Variants in MTA3 observed in about 807,000 individuals in gnomAD.
MTA3 encodes the protein metastasis-associated protein MTA3.
In MTA3, 34 loss-of-function variants were observed where a neutral mutation model predicts 83.5. The observed-to-expected ratio is 0.41, with a 90% CI of 0.31 to 0.54. MTA3 has a LOEUF of 0.54. Ranked by LOEUF, MTA3 falls within the 20% of genes least tolerant of loss-of-function variation. The pLI is 0.33. For synonymous variants in MTA3, 303 were observed against 252.7 expected (o/e 1.20, Z -1.89); for missense variants, 761 against 726.4 (o/e 1.05, Z -0.55).
intron 16 of MTA3, among the ~76,000 whole-genome samples, chr2:42,743,834 C>T (rs183455000): frequency 7.9e-5 from 12 of 152,132 alleles, no homozygotes; most frequent in East Asian, 3.9e-4. Flanking sequence ...GCTCTCTTCA[C>T]GAATTCCAAA....
At chr2:42,667,977 T>A (rs528264525) in intron 8 of MTA3, among the ~76,000 whole-genome samples, 5 of 152,328 alleles carry the variant, frequency 3.3e-5, no homozygotes, top group Admixed American at 3.3e-4. Context: ...AATCTGTAGC[T>A]CATGTATGAT....
At chr2:42,528,243 TAG>T (rs967050108) in intron 2 of MTA3, among the ~76,000 whole-genome samples, 3 of 146,738 alleles carry the variant, frequency 2.0e-5, no homozygotes, top group Non-Finnish European at 4.5e-5. Flanking sequence ...TTTTTGGAAA[TAG>T]AGTCTTGCTC....
At chr2:42,604,011 C>T (rs545890244) in intron 3 of MTA3, among the ~76,000 whole-genome samples, 3 of 151,926 alleles carry the variant, frequency 2.0e-5, no homozygotes, top group South Asian at 4.2e-4. Flanking sequence ...GGTCTCCCAA[C>T]GTGCTGGGAT....
At chr2:42,532,117 T>C (rs140584885) in intron 2 of MTA3, among the ~76,000 whole-genome samples, 7 of 152,222 alleles carry the variant, frequency 4.6e-5, no homozygotes, top group Admixed American at 3.9e-4. Flanking sequence ...TTAGCCATAA[T>C]CCAATAGATA....
chr2:42,641,726 C>T (rs924128888), intron 5 of MTA3, among the ~76,000 whole-genome samples: 17 of 151,894 alleles, frequency 1.1e-4, no homozygotes, highest in Admixed American at 4.6e-4. Context: ...ATTAACCGGG[C>T]GTGGTGGCGC....
intron 6 of MTA3, among the ~76,000 whole-genome samples, chr2:42,651,960 G>A (rs949950041): frequency 6.6e-6 from 1 of 152,110 alleles, no homozygotes; most frequent in Non-Finnish European, 1.5e-5. Flanking sequence ...GCTGGTCATG[G>A]TGGTGGGCAC....
chr2:42,621,461 TC>T (rs1279494860), intron 4 of MTA3, among the ~76,000 whole-genome samples: 1 of 152,210 alleles, frequency 6.6e-6, no homozygotes, highest in Non-Finnish European at 1.5e-5. Context: ...AGGTCATAGA[TC>T]AACAGCATCC....
At chr2:42,533,016 A>G (rs1387707000) in intron 2 of MTA3, 2 of 194,032 alleles carry the variant, frequency 1.0e-5, no homozygotes, top group Non-Finnish European at 2.2e-5. Flanking sequence ...GTTTACAGCA[A>G]TGCCAACAGC....
At chr2:42,506,173 G>A (rs1006028553) in intron 2 of MTA3, among the ~76,000 whole-genome samples, 6 of 152,114 alleles carry the variant, frequency 3.9e-5, no homozygotes, top group East Asian at 1.9e-4. Context: ...AGCCCAGTAC[G>A]GTGGCTCATG....
chr2:42,622,929 T>TA (rs1685722534), intron 4 of MTA3, among the ~76,000 whole-genome samples: 1 of 152,196 alleles, frequency 6.6e-6, no homozygotes, highest in Non-Finnish European at 1.5e-5. Context: ...ATAATTAAGA[T>TA]ACGGTATATT....
intron 8 of MTA3, among the ~76,000 whole-genome samples, chr2:42,666,878 A>G (rs1315378308): frequency 6.6e-6 from 1 of 152,200 alleles, no homozygotes; most frequent in African/African-American, 2.4e-5. Context: ...TCTTATTGAA[A>G]TAGGTCATTG....
chr2:42,747,033 A>G (rs961404268), intron 16 of MTA3, among the ~76,000 whole-genome samples: 4 of 149,380 alleles, frequency 2.7e-5, no homozygotes, highest in Admixed American at 6.7e-5. Context: ...ATGGAGTCTC[A>G]CTCTGTCACC....
intron 12 of MTA3, among the ~76,000 whole-genome samples, chr2:42,704,974 C>T (rs535608254): frequency 6.6e-6 from 1 of 152,154 alleles, no homozygotes; most frequent in Non-Finnish European, 1.5e-5. Flanking sequence ...ATATTATCAT[C>T]TATGTTTCCT....
At position 42,501,807 on chromosome 2, in the gene MTA3, G is replaced by C. The variant is rs573470754; in HGVS notation, c.-141+6553G>C. ...AGCCTGGGCAACATGGTGAAACCCT[G>C]TCTCTCCTAAAAGTACAAAAATTAG... is the stretch of plus-strand genomic sequence containing the variant. On this transcript the variant is annotated intron_variant, in intron 2 of 17. Coordinates refer to the MTA3 transcript ENST00000405592. Among the ~76,000 whole-genome samples, 12 of 152,076 alleles carry C rather than the reference G, an allele frequency of 7.9e-5. No homozygotes were observed. In the East Asian group the frequency reaches 2.3e-3, roughly 29 times the overall value.
chr2:42,673,065 T>C (rs1025366044), intron 8 of MTA3, among the ~76,000 whole-genome samples: 2 of 151,946 alleles, frequency 1.3e-5, no homozygotes, highest in Non-Finnish European at 1.5e-5. Context: ...CAGGCTGGGC[T>C]TGAACTCCTG....
chr2:42,600,941 C>G (rs992921273), intron 3 of MTA3, among the ~76,000 whole-genome samples: 2 of 151,714 alleles, frequency 1.3e-5, no homozygotes, highest in Non-Finnish European at 2.9e-5. Context: ...GAGTCATGTT[C>G]TGTCGCTTAG....
chr2:42,713,200 G>A (rs952892459), intron 14 of MTA3, among the ~76,000 whole-genome samples: 8 of 152,206 alleles, frequency 5.3e-5, no homozygotes, highest in Non-Finnish European at 1.0e-4. Flanking sequence ...AGACTTGAAT[G>A]GGCCACAGTA....
chr2:42,584,013 TTA>T (rs1308648562), intron 3 of MTA3, among the ~76,000 whole-genome samples: 1 of 151,990 alleles, frequency 6.6e-6, no homozygotes, highest in Non-Finnish European at 1.5e-5. Context: ...CTGACTAATT[TTA>T]TATTTTTAGT....
At chr2:42,681,475 C>G (rs1691905894) in intron 8 of MTA3, among the ~76,000 whole-genome samples, 2 of 152,074 alleles carry the variant, frequency 1.3e-5, no homozygotes, top group Non-Finnish European at 2.9e-5. Context: ...TGCTGTGTAT[C>G]TTGCACAAGA....
Sources: allele counts gnomAD v4.1 joint callset (sites outside exome capture counted in the v4.1 genomes callset), GRCh38; gene constraint gnomAD v4.1.1; transcripts MANE v1.5; gene names NCBI Gene and HGNC (gene_info 2026-07-23, HGNC 2026-07-21).